Variants in CACNG6 observed in about 807,000 individuals in gnomAD.
The protein encoded by CACNG6 is calcium voltage-gated channel auxiliary subunit gamma 6, also known as voltage-dependent calcium channel gamma-6 subunit.
A neutral mutation model predicts 23.9 loss-of-function variants in CACNG6; 21 were observed. The ratio of observed to expected loss-of-function variants is 0.88; its 90% CI spans 0.62 to 1.26. The LOEUF (loss-of-function observed/expected upper bound fraction) is 1.26, where lower values mean the gene tolerates loss of function less well. Ranked by LOEUF, CACNG6 falls within the 50% of genes most tolerant of loss-of-function variation. The probability of loss-of-function intolerance (pLI) is 0.00; values close to 1 mark genes in which losing one functional copy is unlikely to be tolerated. For synonymous variants in CACNG6, 182 were observed against 168.9 expected (o/e 1.08, Z -0.60); for missense variants, 340 against 352.9 (o/e 0.96, Z 0.29).
In CACNG6 at chr19:54,011,942, C is replaced by T; in HGVS notation, c.545-9C>T. On this transcript the variant is annotated splice_polypyrimidine_tract_variant and intron_variant, in intron 3 of 3. Transcript: ENST00000252729. ...GGCGTCTGACTGCGAGCTGTCCTCT[C>T]TCCCGCAGGCCTGCTGCTCTTGGTG... 6.7e-7 allele frequency: 1 copy of T among 1,484,998 alleles called. No homozygotes were observed. Among genetic ancestry groups the T allele is most frequent in the Middle Eastern group, 2.2e-4 (1 of 4,544 alleles). The allele number at this position is 1,484,998 out of a possible 1,614,324, so 92.0% of individuals were successfully genotyped here.
intron 3 of CACNG6, among the ~76,000 whole-genome samples, chr19:54,000,772 G>A (rs2069567278): frequency 6.6e-6 from 1 of 152,046 alleles, no homozygotes; most frequent in Non-Finnish European, 1.5e-5. Context: ...TAGAGACAGG[G>A]TTTCACCACA....
At chr19:54,011,470 C>T (rs1283741294) in intron 3 of CACNG6, among the ~76,000 whole-genome samples, 1 of 142,972 alleles carries the variant, frequency 7.0e-6, no homozygotes, top group African/African-American at 2.5e-5. Flanking sequence ...AAAACAAAAA[C>T]AAAAAACTAA....
intron 2 of CACNG6, 141 bp from the exon 3 acceptor site, chr19:53,999,493 G>T (rs1178003371): frequency 2.2e-6 from 2 of 922,374 alleles, no homozygotes; most frequent in Non-Finnish European, 1.7e-6. Context: ...TAAGTAAAAT[G>T]TTGGGCTGGA....
Position 53,993,111 on chromosome 19 carries a change from G to T in CACNG6, c.234G>T (p.Ala78=), listed in dbSNP as rs1259897051. The T allele has an allele frequency of 6.5e-7, 1 of 1,547,040 alleles. No individual in the cohort carries two copies. Among genetic ancestry groups the T allele is most frequent in the Admixed American group, 2.0e-5 (1 of 50,786 alleles). The part of the protein sequence containing the change: ...YKANGSAVCE[A]AHLGLWKACT... ...CCAACGGCAGCGCCGTGTGCGAAGC[G>T]GCCCACCTGGGGCTGTGGAAGGCGT... The change falls in exon 1 of 4, where the codon GCG becomes GCT. Residue 78 remains alanine (A), a synonymous_variant. Coordinates refer to ENST00000252729, the MANE Select transcript of CACNG6 (RefSeq NM_145814.2).
rs2069461995 is a variant in CACNG6 at position 53,991,737 on chromosome 19, G to T, written c.-1141G>T. Among the ~76,000 whole-genome samples the T allele has an allele frequency of 6.6e-6, 1 of 152,070 alleles. No homozygotes were observed. The highest frequency in any genetic ancestry group is 2.1e-4 in the South Asian group (1 of 4,826). On this transcript the variant is annotated 5_prime_UTR_variant, in exon 1 of 4. Transcript: ENST00000252729. The stretch of plus-strand genomic sequence containing the variant: ...AGGAGAGCGAGAGGGGCCCCTGCTC[G>T]GGAGTCGGGGGTGGGAGCCCCGAGG...
intron 1 of CACNG6, among the ~76,000 whole-genome samples, chr19:53,995,275 T>C (rs758568493): frequency 4.6e-5 from 7 of 152,138 alleles, no homozygotes; most frequent in Non-Finnish European, 7.4e-5. Flanking sequence ...GTCCCCTCCA[T>C]TGATCAGAAA....
intron 2 of CACNG6, among the ~76,000 whole-genome samples, chr19:53,998,791 G>C (rs1347727238): frequency 6.6e-6 from 1 of 151,960 alleles, no homozygotes; most frequent in Non-Finnish European, 1.5e-5. Flanking sequence ...GATGACAGGC[G>C]TGAGCCACTG....
At chr19:53,997,217 T>C (rs2069529364) in intron 1 of CACNG6, among the ~76,000 whole-genome samples, 1 of 152,128 alleles carries the variant, frequency 6.6e-6, no homozygotes, top group South Asian at 2.1e-4. Flanking sequence ...ATTATCATTA[T>C]TGTTTTGATC....
At chr19:53,995,400 CA>C (rs2069510404) in intron 1 of CACNG6, among the ~76,000 whole-genome samples, 1 of 152,176 alleles carries the variant, frequency 6.6e-6, no homozygotes, top group Admixed American at 6.5e-5. Flanking sequence ...CACTGCCCAT[CA>C]AAAGGCATCC....
chr19:54,004,335 TTGTGTGTGTG>T (rs4022332), intron 3 of CACNG6, among the ~76,000 whole-genome samples: 18,206 of 106,954 alleles, frequency 0.17, 1,760 homozygotes, highest in East Asian at 0.29. Flanking sequence ...TTTTGTATTT[TTGTGTGTGTG>T]TGTGTGTGTG....
At chr19:53,996,114 T>A (rs1253639173) in intron 1 of CACNG6, among the ~76,000 whole-genome samples, 2 of 152,216 alleles carry the variant, frequency 1.3e-5, no homozygotes, top group East Asian at 3.8e-4. Context: ...TGTCCCTTCA[T>A]ATCCTTGTTC....
intron 2 of CACNG6, among the ~76,000 whole-genome samples, chr19:53,998,966 C>CA (rs1206817740): frequency 6.6e-6 from 1 of 152,190 alleles, no homozygotes; most frequent in Non-Finnish European, 1.5e-5. Flanking sequence ...GTAAGATCTC[C>CA]AGTCCTCGCA....
intron 3 of CACNG6, among the ~76,000 whole-genome samples, chr19:54,001,192 C>CTTTT (rs36064940): frequency 2.5e-4 from 36 of 142,636 alleles, no homozygotes; most frequent in African/African-American, 9.1e-4. Context: ...TCTTTTCTTT[C>CTTTT]TTTTTTTTTT....
rs370338437 is a variant in CACNG6 at position 54,010,633 on chromosome 19, G to A, written c.545-1318G>A. ...TGTGTTGTCCAGGCTGGAGTGTACT[G>A]GTGTGATCACGGTTCACTGCTGCCT... is the stretch of plus-strand genomic sequence containing the variant. On this transcript the variant is annotated intron_variant, in intron 3 of 3. Transcript: ENST00000252729. Among the ~76,000 whole-genome samples the A allele has an allele frequency of 1.4e-3, 218 of 152,056 alleles. 1 individual carries two copies. Among genetic ancestry groups the A allele is most frequent in the South Asian group, 4.1e-3 (20 of 4,822 alleles).
chr19:53,991,730 C>G lies in CACNG6; in HGVS notation c.-1148C>G, dbSNP rs2069461891. ...CCGAGGCAGGAGAGCGAGAGGGGCC[C>G]CTGCTCGGGAGTCGGGGGTGGGAGC... On this transcript the variant is annotated 5_prime_UTR_variant, in exon 1 of 4. Transcript: ENST00000252729. Among the ~76,000 whole-genome samples the G allele has an allele frequency of 6.6e-6, 1 of 151,900 alleles. No homozygotes were observed.
At chr19:54,011,687 A>G (rs1402885030) in intron 3 of CACNG6, among the ~76,000 whole-genome samples, 3 of 147,186 alleles carry the variant, frequency 2.0e-5, no homozygotes, top group Non-Finnish European at 4.5e-5. Context: ...TTAAACACCA[A>G]CTCCCCTTTT....
rs369729281 is a variant in CACNG6 at position 54,012,032 on chromosome 19, C to A, written c.626C>A (p.Pro209Gln). 5.8e-5 allele frequency: 93 copies of A among 1,605,962 alleles called. 1 individual carries two copies. In the East Asian group the frequency reaches 2.0e-3, roughly 34 times the overall value. ...CAGAGAGTCAGCCCGGAGCCTCCCC[C>A]GGCCCCACGCCTCACCTACGAGTAC... ...LLQRVSPEPP[P>Q]APRLTYEYSW... The change falls in exon 4 of 4, where the codon CCG becomes CAG. Residue 209 changes from proline to glutamine, a missense_variant. By Grantham distance (76) the Pro-to-Gln change is moderately conservative. Coordinates refer to ENST00000252729, the MANE Select transcript of CACNG6 (RefSeq NM_145814.2).
chr19:54,003,549 C>T (rs536822036), intron 3 of CACNG6, among the ~76,000 whole-genome samples: 1 of 152,080 alleles, frequency 6.6e-6, no homozygotes, highest in East Asian at 1.9e-4. Context: ...TTAATAGAGA[C>T]TGGGTTTCTC....
At chr19:54,002,315 G>T (rs939389329) in intron 3 of CACNG6, among the ~76,000 whole-genome samples, 1 of 124,244 alleles carries the variant, frequency 8.0e-6, no homozygotes, top group Non-Finnish European at 1.6e-5. Context: ...ATAGGGTTTC[G>T]CTGTGTTGCC....
Sources: allele counts gnomAD v4.1 joint callset (sites outside exome capture counted in the v4.1 genomes callset), GRCh38; gene constraint gnomAD v4.1.1; transcripts MANE v1.5; gene names NCBI Gene and HGNC (gene_info 2026-07-23, HGNC 2026-07-21).